Variants in PAPOLB observed in about 807,000 individuals in gnomAD.
PAPOLB encodes the protein PAP-beta.
Under a neutral mutation model 23.2 loss-of-function variants are expected in PAPOLB, and 19 were observed. The ratio of observed to expected loss-of-function variants is 0.82; its 90% CI spans 0.57 to 1.20. PAPOLB has a LOEUF of 1.20. Among genes scored for constraint, PAPOLB ranks in the 50% most tolerant of loss-of-function variants. The probability of loss-of-function intolerance (pLI) is 0.00; values close to 1 mark genes in which losing one functional copy is unlikely to be tolerated. For missense variants in PAPOLB, 822 were observed against 776.8 expected (o/e 1.06, Z -0.69); for synonymous variants, 360 against 290.7 (o/e 1.24, Z -2.43).
Position 4,858,580 on chromosome 7 carries a change from T to C in PAPOLB, c.*1317A>G, listed in dbSNP as rs1783892660. 1 of 152,628 alleles carries C rather than the reference T, an allele frequency of 6.6e-6. No individual in the cohort carries two copies. Among genetic ancestry groups the C allele is most frequent in the African/African-American group, 2.4e-5 (1 of 41,456 alleles). 9.5% of individuals were successfully genotyped at this position (152,628 alleles called of 1,614,324 possible). On this transcript the variant is annotated 3_prime_UTR_variant, in exon 1 of 1. Coordinates refer to ENST00000404991, the MANE Select transcript of PAPOLB (RefSeq NM_020144.5). ...TAAAAATAAAAGTGTTTAAAATTCT[T>C]GAAGAAAATGCCTTTTTGCTTATGT...
rs1355676086 is a variant in PAPOLB at position 4,860,695 on chromosome 7, G to C, written c.1116C>G (p.Tyr372Ter). 1 of 1,614,020 alleles carries C rather than the reference G, an allele frequency of 6.2e-7. No homozygotes were observed. Among genetic ancestry groups the C allele is most frequent in the African/African-American group, 1.3e-5 (1 of 74,928 alleles). ...TTGCCAGAAGTACAATATAATGCTT[G>C]TACTTTTGAAAGAAGCTTGGAGCTT... is the stretch of plus-strand genomic sequence containing the variant. ...LFEAPSFFQK[Y>*]KHYIVLLASA... The change falls in exon 1 of 1, where the codon TAC becomes TAG. Residue 372 changes from tyrosine to a stop codon, truncating the protein, a stop_gained. Coordinates refer to ENST00000404991, the MANE Select transcript of PAPOLB (RefSeq NM_020144.5). LOFTEE classifies it low-confidence loss of function (END_TRUNC).
chr7:4,860,681 A>C lies in PAPOLB; in HGVS notation c.1130T>G (p.Val377Gly), dbSNP rs1452614523. 1 of 1,614,220 alleles carries C rather than the reference A, an allele frequency of 6.2e-7. No individual in the cohort carries two copies. The highest frequency in any genetic ancestry group is 2.2e-5 in the East Asian group (1 of 44,880). Residue 377 changes from valine (V) to glycine (G), a missense_variant, in exon 1 of 1, where the codon GTA (valine) becomes GGA (glycine). Transcript: ENST00000404991. ...SFFQKYKHYI[V>G]LLASASTEKQ... Reference sequence around the variant, plus strand: ...TTCTGTTGATGCACTTGCCAGAAGTACAATATAATGCTTGTACTTTTGAAA... The same window carrying C: ...TTCTGTTGATGCACTTGCCAGAAGTCCAATATAATGCTTGTACTTTTGAAA...
rs1784011008 is a variant in PAPOLB, at chr7:4,861,802, CG to C, written c.8del (p.Pro3ArgfsTer4). 1.4e-6 allele frequency: 2 copies of C among 1,455,958 alleles called. No homozygotes were observed. The highest frequency in any genetic ancestry group is 1.8e-6 in the Non-Finnish European group (2 of 1,106,262). 90.2% of individuals were successfully genotyped at this position (1,455,958 alleles called of 1,614,324 possible). On this transcript the variant is annotated frameshift_variant, in exon 1 of 1. Coordinates refer to ENST00000404991, the MANE Select transcript of PAPOLB (RefSeq NM_020144.5). LOFTEE classifies it high-confidence loss of function. ...GTGGTCCCTGGGTTGTCACCGGAAA[CG>C]GCATCATCTTTCAGCGCCCGCCCCG... MM[P>X]FPVTTQGPPQ...
At position 4,859,164 on chromosome 7, in the gene PAPOLB, A is replaced by C. The variant is rs1446035680; in HGVS notation, c.*733T>G. On this transcript the variant is annotated 3_prime_UTR_variant, in exon 1 of 1. Transcript: ENST00000404991. ...TAGATGTACTTTTATGCTTTCTCTG[A>C]AGTACAGTACACCGCTGCACAATGG... 6.6e-6 allele frequency: 1 copy of C among 152,452 alleles called. No homozygotes were observed. The highest frequency in any genetic ancestry group is 1.9e-4 in the East Asian group (1 of 5,208). 9.4% of individuals were successfully genotyped at this position (152,452 alleles called of 1,614,324 possible). A position where few individuals can be genotyped will look rare whatever the true frequency, so the allele number is the denominator to read the frequency against.
chr7:4,861,658 C>G lies in PAPOLB; in HGVS notation c.153G>C (p.Gly51=). Residue 51 remains glycine (G), a synonymous_variant, in exon 1 of 1, where the codon GGG becomes GGC. Coordinates refer to ENST00000404991, the MANE Select transcript of PAPOLB (RefSeq NM_020144.5). ...QRLIETLRPF[G]VFEEEEELQR... is the part of the protein sequence containing the mutation. ...GCAGTTCCTCTTCCTCTTCGAAGAC[C>G]CCGAAGGGCCTGAGGGTTTCTATTA... 6.2e-7 allele frequency: 1 copy of G among 1,605,036 alleles called. No individual in the cohort carries two copies. The highest frequency in any genetic ancestry group is 8.5e-7 in the Non-Finnish European group (1 of 1,175,600).
chr7:4,859,784 T>C lies in PAPOLB; in HGVS notation c.*113A>G, dbSNP rs991196965. ...TGAGAGGCCAATAGAGAAGATGCTG[T>C]CTGAATTTTTCTAATGGAGTTGTAC... On this transcript the variant is annotated 3_prime_UTR_variant, in exon 1 of 1. Coordinates refer to ENST00000404991, the MANE Select transcript of PAPOLB (RefSeq NM_020144.5). 1 of 656,724 alleles carries C rather than the reference T, an allele frequency of 1.5e-6. No homozygotes were observed. The highest frequency in any genetic ancestry group is 2.9e-5 in the Admixed American group (1 of 34,812). The allele number at this position is 656,724 out of a possible 1,614,324, so 40.7% of individuals were successfully genotyped here.
Position 4,860,160 on chromosome 7 carries a change from T to G in PAPOLB, c.1651A>C (p.Ser551Arg). Residue 551 changes from serine (S) to arginine (R), a missense_variant, in exon 1 of 1, where the codon AGT (serine) becomes CGT (arginine). Ser to Arg is a moderately radical substitution (Grantham distance 110). Around this residue, in one of 3 missense-constraint regions of PAPOLB, gnomAD observed 534 missense variants for 502.8 expected, o/e 1.06. Coordinates refer to ENST00000404991, the MANE Select transcript of PAPOLB (RefSeq NM_020144.5). Reference protein sequence around the residue: ...STMKTGPLISSSQGRNSPALA... With the variant: ...STMKTGPLISRSQGRNSPALA... ...GCAGGACTGTTTCTACCCTGAGAAC[T>G]GCTAATCAATGGGCCTGTCTTCATA... 3 of 1,614,000 alleles carry G rather than the reference T, an allele frequency of 1.9e-6. No homozygotes were observed. The highest frequency in any genetic ancestry group is 2.5e-6 in the Non-Finnish European group (3 of 1,179,850).
chr7:4,861,849 C>A lies in PAPOLB; in HGVS notation c.-39G>T. 7.2e-7 allele frequency: 1 copy of A among 1,383,042 alleles called. No individual in the cohort carries two copies. The highest frequency in any genetic ancestry group is 9.4e-7 in the Non-Finnish European group (1 of 1,058,728). 85.7% of individuals were successfully genotyped at this position (1,383,042 alleles called of 1,614,324 possible). ...CCCCGCCAGGGCACGTCCCCCACCA[C>A]CGCGACCTTCGCGGCCGCCGCCCGG... On this transcript the variant is annotated 5_prime_UTR_variant, in exon 1 of 1. Coordinates refer to ENST00000404991, the MANE Select transcript of PAPOLB (RefSeq NM_020144.5).
Position 4,860,743 on chromosome 7 carries a change from C to T in PAPOLB, c.1068G>A (p.Lys356=). 1 of 1,614,128 alleles carries T rather than the reference C, an allele frequency of 6.2e-7. No homozygotes were observed. Among genetic ancestry groups the T allele is most frequent in the Non-Finnish European group, 8.5e-7 (1 of 1,180,006 alleles). Residue 356 remains lysine (K), a synonymous_variant, in exon 1 of 1, where the codon AAG becomes AAA. Transcript: ENST00000404991. The part of the protein sequence containing the change: ...LAITHEILLS[K]AEWSKLFEAP... ...CTTCAAAGAGTTTGGACCACTCTGC[C>T]TTACTTAGCAAAATCTCGTGTGTGA...
chr7:4,858,016 GC>G lies in PAPOLB; in HGVS notation c.*1880del. The G allele has an allele frequency of 6.6e-6, 1 of 152,650 alleles. No individual in the cohort carries two copies. The highest frequency in any genetic ancestry group is 2.1e-4 in the South Asian group (1 of 4,830). The allele number at this position is 152,650 out of a possible 1,614,324, so 9.5% of individuals were successfully genotyped here. A position where few individuals can be genotyped will look rare whatever the true frequency, so the allele number is the denominator to read the frequency against. ...AACAAAATGACCAGACTAAATTTGT[GC>G]CTGGCCATTTCAACCTAACGCCATA... On this transcript the variant is annotated 3_prime_UTR_variant, in exon 1 of 1. Coordinates refer to ENST00000404991, the MANE Select transcript of PAPOLB (RefSeq NM_020144.5).
Position 4,860,013 on chromosome 7 carries a change from G to C in PAPOLB, c.1798C>G (p.Gln600Glu). 1.2e-6 allele frequency: 2 copies of C among 1,613,866 alleles called. No individual in the cohort carries two copies. The highest frequency in any genetic ancestry group is 1.7e-6 in the Non-Finnish European group (2 of 1,179,754). ...LNESIPHAVS[Q>E]PAISPSPKAM... ...TTTGGTGATGGAGAAATGGCAGGCTGAGAGACAGCGTGAGGAATACTTTCG... is the reference window on the plus strand; with the variant it reads ...TTTGGTGATGGAGAAATGGCAGGCTCAGAGACAGCGTGAGGAATACTTTCG... Residue 600 changes from glutamine (Q) to glutamate (E), a missense_variant, in exon 1 of 1, where the codon CAG becomes GAG. Gln to Glu is a conservative substitution (Grantham distance 29). Around this residue, in one of 3 missense-constraint regions of PAPOLB, gnomAD observed 534 missense variants for 502.8 expected, o/e 1.06. Transcript: ENST00000404991.
At position 4,861,360 on chromosome 7, in the gene PAPOLB, C is replaced by G. The variant is rs17853680; in HGVS notation, c.451G>C (p.Glu151Gln). 5,315 of 1,614,116 alleles carry G rather than the reference C, an allele frequency of 3.3e-3. 11 individuals carry two copies. Among genetic ancestry groups the G allele is most frequent in the Non-Finnish European group, 4.2e-3 (4,990 of 1,179,966 alleles). ...QEEVKDLRAV[E>Q]EAFVPVIKLC... ...TTGATAACTGGCACAAATGCCTCCT[C>G]GACAGCCCTTAAATCTTTCACTTCC... Residue 151 changes from glutamate to glutamine, a missense_variant, in exon 1 of 1, where the codon GAG becomes CAG. Glu to Gln is a conservative substitution (Grantham distance 29, BLOSUM62 2). Coordinates refer to ENST00000404991, the MANE Select transcript of PAPOLB (RefSeq NM_020144.5).
rs1783996605 is a variant in PAPOLB at position 4,861,545 on chromosome 7, G to T, written c.266C>A (p.Ser89Tyr). The change falls in exon 1 of 1, where the codon TCT becomes TAT. Residue 89 changes from serine (S) to tyrosine (Y), a missense_variant. Coordinates refer to ENST00000404991, the MANE Select transcript of PAPOLB (RefSeq NM_020144.5). ...EISESKSLPQ[S>Y]VIENVGGKIF... The stretch of plus-strand genomic sequence containing the variant: ...CTTTCCTCCAACGTTTTCAATTACA[G>T]ACTGGGGAAGACTCTTGCTTTCACT... 6.2e-7 allele frequency: 1 copy of T among 1,614,028 alleles called. No homozygotes were observed. Among genetic ancestry groups the T allele is most frequent in the South Asian group, 1.1e-5 (1 of 91,058 alleles).
At position 4,858,074 on chromosome 7, in the gene PAPOLB, C is replaced by T. The variant is rs1783877405; in HGVS notation, c.*1823G>A. Reference sequence around the variant, plus strand: ...CAAAATACAGATATTGTGCACACTTCACCCGATTTATTATTGTGGTGAAAC... The same window carrying T: ...CAAAATACAGATATTGTGCACACTTTACCCGATTTATTATTGTGGTGAAAC... On this transcript the variant is annotated 3_prime_UTR_variant, in exon 1 of 1. Transcript: ENST00000404991. The T allele has an allele frequency of 1.3e-5, 2 of 152,558 alleles. No homozygotes were observed. The allele number at this position is 152,558 out of a possible 1,614,324, so 9.5% of individuals were successfully genotyped here.
In PAPOLB at chr7:4,860,214, T is replaced by G. The variant is rs759344020; in HGVS notation, c.1597A>C (p.Ser533Arg). 1.2e-6 allele frequency: 2 copies of G among 1,613,950 alleles called. No homozygotes were observed. The highest frequency in any genetic ancestry group is 2.7e-5 in the African/African-American group (2 of 74,946). Residue 533 changes from serine (S) to arginine (R), a missense_variant, in exon 1 of 1, where the codon AGC (serine) becomes CGC (arginine). Physicochemically the swap from Ser to Arg is moderately radical, Grantham distance 110 (BLOSUM62 -1). Around this residue, in one of 3 missense-constraint regions of PAPOLB, gnomAD observed 534 missense variants for 502.8 expected, o/e 1.06. Coordinates refer to ENST00000404991, the MANE Select transcript of PAPOLB (RefSeq NM_020144.5). ...SFDLSAGCEN[S>R]MSVPSSTSTM... ...CTAGTAGATGAAGGCACAGACATGC[T>G]GTTTTCACAGCCTGCAGACAAGTCA...
At position 4,859,844 on chromosome 7, in the gene PAPOLB, G is replaced by A. The variant is rs1359207052; in HGVS notation, c.*53C>T. 8 of 1,148,560 alleles carry A rather than the reference G, an allele frequency of 7.0e-6. No homozygotes were observed. The highest frequency in any genetic ancestry group is 1.0e-5 in the Non-Finnish European group (8 of 792,550). The allele number at this position is 1,148,560 out of a possible 1,614,324, so 71.1% of individuals were successfully genotyped here. A position where few individuals can be genotyped will look rare whatever the true frequency, so the allele number is the denominator to read the frequency against. ...TATTGAGTTTCTCCTCTTCCGTTTT[G>A]GTTTTCTTGGTCCTTTCTTCTTTAT... On this transcript the variant is annotated 3_prime_UTR_variant, in exon 1 of 1. Transcript: ENST00000404991.
rs1481857746 is a variant in PAPOLB, at chr7:4,859,646, T to A, written c.*251A>T. ...AGGTTCAGTTGGCAGATATTGTTCA[T>A]GGACCCTTGAGGTTGTTTTTAACCA... On this transcript the variant is annotated 3_prime_UTR_variant, in exon 1 of 1. Transcript: ENST00000404991. The A allele has an allele frequency of 2.1e-6, 1 of 472,186 alleles. No individual in the cohort carries two copies. Among genetic ancestry groups the A allele is most frequent in the Admixed American group, 3.7e-5 (1 of 27,230 alleles). The allele number at this position is 472,186 out of a possible 1,614,324, so 29.2% of individuals were successfully genotyped here. A position where few individuals can be genotyped will look rare whatever the true frequency, so the allele number is the denominator to read the frequency against.
In PAPOLB at chr7:4,861,924, G is replaced by T. The variant is rs1046383365; in HGVS notation, c.-114C>A. 1.6e-6 allele frequency: 1 copy of T among 615,596 alleles called. No homozygotes were observed. The highest frequency in any genetic ancestry group is 2.5e-6 in the Non-Finnish European group (1 of 400,708). The allele number at this position is 615,596 out of a possible 1,614,324, so 38.1% of individuals were successfully genotyped here. On this transcript the variant is annotated 5_prime_UTR_variant, in exon 1 of 1. Transcript: ENST00000404991. ...GCAGGGCTTCTAGCTGCCCTGGTCC[G>T]ACCCCACTCCCACTCCCGCTGCGCG... is the stretch of plus-strand genomic sequence containing the variant.
In PAPOLB at chr7:4,860,551, C is replaced by T. The variant is rs1259322972; in HGVS notation, c.1260G>A (p.Gln420=). ...EFITLAHVNP[Q]SFPAPKENPD... ...GATTTTCTTTGGGTGCTGGAAATGA[C>T]TGTGGATTCACATGTGCCAGTGTAA... The change falls in exon 1 of 1, where the codon CAG becomes CAA. Residue 420 remains glutamine, a synonymous_variant. Transcript: ENST00000404991. 6.2e-7 allele frequency: 1 copy of T among 1,614,218 alleles called. No individual in the cohort carries two copies. Among genetic ancestry groups the T allele is most frequent in the Non-Finnish European group, 8.5e-7 (1 of 1,180,030 alleles).
Sources: gnomAD v4.1 joint callset for allele counts on GRCh38, gnomAD v4.1.1 for gene constraint, gnomAD v4.1.1 regional missense constraint, MANE v1.5 for transcripts, NCBI Gene and HGNC (gene_info 2026-07-23, HGNC 2026-07-21) for gene names.